PALM2AKAP2: variants seen among roughly 807,000 people sequenced by gnomAD.
PALM2AKAP2 encodes PALM2 and AKAP2 fusion.
PALM2AKAP2 carries 37 observed loss-of-function variants against 71.5 expected under a neutral mutation model. That is an observed-to-expected ratio of 0.52 (90% confidence interval 0.40 to 0.68). The LOEUF is 0.68. Ranked by LOEUF, PALM2AKAP2 falls within the 30% of genes least tolerant of loss-of-function variation. The probability of loss-of-function intolerance (pLI) is 0.00; values close to 1 mark genes in which losing one functional copy is unlikely to be tolerated. For synonymous variants in PALM2AKAP2, 468 were observed against 478.8 expected, an observed-to-expected ratio of 0.98 and a Z score of 0.29; for missense variants, 1,224 against 1,191.8, an observed-to-expected ratio of 1.03 and a Z score of -0.40.
intron 1 of PALM2AKAP2, among the ~76,000 whole-genome samples, chr9:110,109,394 G>A (rs1835191482): frequency 1.3e-5 from 2 of 151,030 alleles, no homozygotes; most frequent in South Asian, 4.2e-4. Flanking sequence ...AGCCTTCTGA[G>A]GTTCAGAGGT....
At chr9:109,935,085 C>A (rs1342762920) in intron 6 of PALM2AKAP2, among the ~76,000 whole-genome samples, 1 of 152,160 alleles carries the variant, frequency 6.6e-6, no homozygotes, top group South Asian at 2.1e-4. Flanking sequence ...TTCAAACACG[C>A]GCAGTTCCTC....
At chr9:109,805,438 C>T (rs1587923794) in intron 1 of PALM2AKAP2, among the ~76,000 whole-genome samples, 1 of 149,938 alleles carries the variant, frequency 6.7e-6, no homozygotes, top group South Asian at 2.1e-4. Context: ...TGATTTTTTT[C>T]CCCGAAATTC....
intron 1 of PALM2AKAP2, among the ~76,000 whole-genome samples, chr9:109,844,187 AGAGTAAGTT>A (rs1478867960): frequency 6.6e-6 from 1 of 152,216 alleles, no homozygotes; most frequent in Admixed American, 6.5e-5. Context: ...GCAACCATGT[AGAGTAAGTT>A]CTGCCACTGG....
At chr9:110,033,412 CT>C (rs1394646623) in intron 7 of PALM2AKAP2, among the ~76,000 whole-genome samples, 1 of 152,198 alleles carries the variant, frequency 6.6e-6, no homozygotes, top group East Asian at 1.9e-4. Context: ...CTTTCCTTCT[CT>C]CCCTTCACTC....
chr9:110,012,813 A>G (rs1832908516), intron 6 of PALM2AKAP2, among the ~76,000 whole-genome samples: 1 of 152,236 alleles, frequency 6.6e-6, no homozygotes, highest in African/African-American at 2.4e-5. Context: ...GAATGATTGT[A>G]TAATAGCAGA....
intron 3 of PALM2AKAP2, among the ~76,000 whole-genome samples, chr9:109,909,811 C>A (rs562077601): frequency 6.6e-6 from 1 of 152,092 alleles, no homozygotes; most frequent in East Asian, 1.9e-4. Context: ...GCAATCCAGG[C>A]AGAGGGGTGG....
At chr9:110,022,554 TTTTTTCTTTA>T (rs952609665) in intron 7 of PALM2AKAP2, among the ~76,000 whole-genome samples, 7 of 151,200 alleles carry the variant, frequency 4.6e-5, no homozygotes, top group African/African-American at 1.7e-4. Flanking sequence ...TCTTTTCTTT[TTTTTTCTTTA>T]TTTTTATTTT....
At chr9:110,101,841 G>A (rs1216453839) in intron 1 of PALM2AKAP2, among the ~76,000 whole-genome samples, 1 of 152,144 alleles carries the variant, frequency 6.6e-6, no homozygotes, top group African/African-American at 2.4e-5. Flanking sequence ...TTTCCTTTTG[G>A]ATATAACATA....
At chr9:110,010,002 G>GA (rs200120919) in intron 6 of PALM2AKAP2, among the ~76,000 whole-genome samples, 1,558 of 152,336 alleles carry the variant, frequency 0.01, 26 homozygotes, top group African/African-American at 0.036. Flanking sequence ...TAAGGAATTG[G>GA]AGCCTGGGCT....
In PALM2AKAP2 at chr9:110,000,839, C is replaced by T. The variant is rs1043581816; in HGVS notation, c.497-15115C>T. Among the ~76,000 whole-genome samples, 58 of 152,120 alleles carry T rather than the reference C, an allele frequency of 3.8e-4. 1 individual carries two copies. Among genetic ancestry groups the T allele is most frequent in the South Asian group, 1.7e-3 (8 of 4,826 alleles). On this transcript the variant is annotated intron_variant, in intron 6 of 9. Transcript: ENST00000302798. Reference sequence around the variant, plus strand: ...TTGAGAAGTGTCTGTTCATATCCTTCGCCCACTTGTTGATGGGGTTGTTTG... The same window carrying T: ...TTGAGAAGTGTCTGTTCATATCCTTTGCCCACTTGTTGATGGGGTTGTTTG...
At chr9:109,644,965 T>G (rs1827127549) in intron 1 of PALM2AKAP2, among the ~76,000 whole-genome samples, 1 of 152,208 alleles carries the variant, frequency 6.6e-6, no homozygotes, top group African/African-American at 2.4e-5. Context: ...TTTCCTGTCT[T>G]CTTCTGAGCC....
chr9:109,912,784 G>A (rs1830601241), intron 3 of PALM2AKAP2, among the ~76,000 whole-genome samples: 1 of 152,354 alleles, frequency 6.6e-6, no homozygotes, highest in African/African-American at 2.4e-5. Context: ...TAGGATGGAA[G>A]AAGGGGTCAG....
At chr9:109,827,731 G>T (rs903376004) in intron 1 of PALM2AKAP2, among the ~76,000 whole-genome samples, 3 of 151,862 alleles carry the variant, frequency 2.0e-5, no homozygotes, top group African/African-American at 7.3e-5. Flanking sequence ...TCATTCACAG[G>T]TCCACTCAAG....
chr9:109,815,755 T>A (rs1012090195), intron 1 of PALM2AKAP2, among the ~76,000 whole-genome samples: 4 of 152,114 alleles, frequency 2.6e-5, no homozygotes, highest in Non-Finnish European at 5.9e-5. Context: ...TTAAATGAAG[T>A]CTTTGTCTCC....
intron 1 of PALM2AKAP2, among the ~76,000 whole-genome samples, chr9:109,786,316 A>G (rs542057530): frequency 3.5e-4 from 54 of 152,348 alleles, no homozygotes; most frequent in African/African-American, 1.2e-3. Flanking sequence ...GATCCCTCAG[A>G]GGGGTTAGAG....
In PALM2AKAP2 at chr9:109,668,255, T is replaced by C. The variant is rs916659138; in HGVS notation, c.5+27389T>C. Among the ~76,000 whole-genome samples, 10 of 152,160 alleles carry C rather than the reference T, an allele frequency of 6.6e-5. 2 individuals are homozygous for C. Among genetic ancestry groups the C allele is most frequent in the African/African-American group, 1.2e-4 (5 of 41,420 alleles). ...CCGGCCGGCTTTGGTTTTAAAGTAA[T>C]TGAGCTACATATCCCTCTGCCAACA... On this transcript the variant is annotated intron_variant, in intron 1 of 6. Coordinates refer to the PALM2AKAP2 transcript ENST00000374531.
At chr9:110,013,516 T>A (rs910825010) in intron 6 of PALM2AKAP2, among the ~76,000 whole-genome samples, 6 of 152,346 alleles carry the variant, frequency 3.9e-5, no homozygotes, top group Middle Eastern at 3.4e-3. Context: ...AAGATTTTTC[T>A]TCTATAAACT....
chr9:109,652,147 T>C (rs1016281472), intron 1 of PALM2AKAP2, among the ~76,000 whole-genome samples: 9 of 152,198 alleles, frequency 5.9e-5, no homozygotes, highest in Admixed American at 1.3e-4. Flanking sequence ...AAATGGGTTA[T>C]AAATTAAATA....
intron 1 of PALM2AKAP2, among the ~76,000 whole-genome samples, chr9:110,088,706 T>G (rs1293579759): frequency 1.7e-5 from 1 of 59,236 alleles, no homozygotes; most frequent in South Asian, 5.2e-4. Context: ...TTTACGTGTT[T>G]TTTTTTTTTT....
Sources: gnomAD v4.1 joint callset for allele counts (sites outside exome capture counted in the v4.1 genomes callset) on GRCh38, gnomAD v4.1.1 for gene constraint, MANE v1.5 for transcripts, NCBI Gene and HGNC (gene_info 2026-07-23, HGNC 2026-07-21) for gene names.